The following TMPRSS15 variants were observed in gnomAD, a reference collection of about 807,000 sequenced individuals.
TMPRSS15 encodes enteropeptidase.
A neutral mutation model predicts 125.3 loss-of-function variants in TMPRSS15; 128 were observed. That is an observed-to-expected ratio of 1.02 (90% CI 0.89 to 1.18). The LOEUF (loss-of-function observed/expected upper bound fraction) is 1.18, where lower values mean the gene tolerates loss of function less well. TMPRSS15 is among the 50% of genes most tolerant of loss of function. The probability of loss-of-function intolerance (pLI) is 0.00; values close to 1 mark genes in which losing one functional copy is unlikely to be tolerated. For synonymous variants in TMPRSS15, 446 were observed against 423.2 expected (o/e 1.05, Z -0.66); for missense variants, 1,283 against 1,212.7 (o/e 1.06, Z -0.86).
chr21:18,358,475 T>A (rs2075646889), intron 8 of TMPRSS15, among the ~76,000 whole-genome samples: 1 of 151,938 alleles, frequency 6.6e-6, no homozygotes, highest in East Asian at 1.9e-4. Flanking sequence ...ATCATAATTT[T>A]AAAAAACTGC....
intron 1 of TMPRSS15, among the ~76,000 whole-genome samples, chr21:18,463,701 A>T (rs149119209): frequency 0.047 from 7,093 of 152,236 alleles, 445 homozygotes; most frequent in African/African-American, 0.14. Context: ...AATTGGAAGT[A>T]AAACACTCCT....
chr21:18,420,794 C>A (rs2076190581), intron 1 of TMPRSS15, among the ~76,000 whole-genome samples: 1 of 152,192 alleles, frequency 6.6e-6, no homozygotes, highest in Non-Finnish European at 1.5e-5. Context: ...GGTATCACTG[C>A]ACTGAGTCAC....
chr21:18,456,571 C>T (rs1226569570), intron 1 of TMPRSS15, among the ~76,000 whole-genome samples: 2 of 151,932 alleles, frequency 1.3e-5, no homozygotes, highest in Non-Finnish European at 2.9e-5. Context: ...GATACTTAAA[C>T]CACTAAATTA....
chr21:18,342,956 G>A (rs1483597247), intron 12 of TMPRSS15, among the ~76,000 whole-genome samples: 2 of 152,120 alleles, frequency 1.3e-5, no homozygotes, highest in Admixed American at 6.5e-5. Flanking sequence ...AAGACCCTCA[G>A]GAAGAGAACA....
chr21:18,374,451 G>A (rs1467523808), intron 5 of TMPRSS15, among the ~76,000 whole-genome samples: 3 of 132,440 alleles, frequency 2.3e-5, no homozygotes, highest in Non-Finnish European at 3.1e-5. Context: ...CCGCAGTCCG[G>A]CCTGGGCGAC....
At chr21:18,437,390 A>G (rs1468536951) in intron 1 of TMPRSS15, among the ~76,000 whole-genome samples, 1 of 152,190 alleles carries the variant, frequency 6.6e-6, no homozygotes, top group East Asian at 1.9e-4. Flanking sequence ...AAACCTAGGC[A>G]TTACCATTCA....
chr21:18,383,522 A>T, intron 4 of TMPRSS15, 105 bp downstream of exon 4: 1 of 1,329,120 alleles, frequency 7.5e-7, no homozygotes, highest in Admixed American at 1.9e-5. Flanking sequence ...GCAATAAGAC[A>T]TGTTCCTAAG....
At chr21:18,441,828 C>T (rs1413072582) in intron 1 of TMPRSS15, among the ~76,000 whole-genome samples, 1 of 151,572 alleles carries the variant, frequency 6.6e-6, no homozygotes, top group Non-Finnish European at 1.5e-5. Context: ...GTAGCTGGGA[C>T]TGTAGGCACA....
intron 6 of TMPRSS15, among the ~76,000 whole-genome samples, chr21:18,369,880 T>C (rs1428543719): frequency 6.7e-6 from 1 of 150,128 alleles, no homozygotes; most frequent in South Asian, 2.1e-4. Context: ...AAATTCTCTC[T>C]GGATAAAAAT....
chr21:18,340,366 G>A (rs192638287), intron 13 of TMPRSS15, among the ~76,000 whole-genome samples: 182 of 152,298 alleles, frequency 1.2e-3, no homozygotes, highest in African/African-American at 4.0e-3. Context: ...ACACCTGGTT[G>A]CCAGAGGCTC....
Position 18,343,978 on chromosome 21 carries a change from C to T in TMPRSS15, c.1254G>A (p.Leu418=), listed in dbSNP as rs780863674. Residue 418 remains leucine (L), a synonymous_variant, in exon 11 of 25, where the codon TTG becomes TTA. Transcript: ENST00000284885. The part of the protein sequence containing the change: ...GLLSLPLDPT[L]EPACLSFWYH... ...ACCAGAAACTAAGGCAAGCTGGCTC[C>T]AAAGTGGGGTCCAAAGGGAGGCTTA... is the stretch of plus-strand genomic sequence containing the variant. The T allele has an allele frequency of 1.9e-6, 3 of 1,614,074 alleles. No homozygotes were observed. In the Admixed American group the frequency reaches 5.0e-5, roughly 27 times the overall value.
At chr21:18,382,128 C>T (rs2075898294) in intron 4 of TMPRSS15, among the ~76,000 whole-genome samples, 1 of 152,066 alleles carries the variant, frequency 6.6e-6, no homozygotes. Flanking sequence ...CCACAGAGGT[C>T]AGAATGCCTA....
At position 18,279,028 on chromosome 21, in the gene TMPRSS15, T is replaced by C. The variant is rs752122556; in HGVS notation, c.2700A>G (p.Glu900=). Residue 900 remains glutamate, a synonymous_variant, in exon 23 of 25, where the codon GAA becomes GAG. Transcript: ENST00000284885. The stretch of plus-strand genomic sequence containing the variant: ...TTCTTCCTGGAGGAAAAACTTGATT[T>C]TCTTCCGGTAAACAAATAGGTTGTA... The part of the protein sequence containing the change: ...DYIQPICLPE[E]NQVFPPGRNC... The C allele has an allele frequency of 6.2e-7, 1 of 1,602,648 alleles. No individual in the cohort carries two copies. Among genetic ancestry groups the C allele is most frequent in the South Asian group, 1.1e-5 (1 of 90,282 alleles).
Position 18,344,008 on chromosome 21 carries a change from C to T in TMPRSS15, c.1224G>A (p.Gly408=), listed in dbSNP as rs976605401. ...TGPGGRQERV[G]LLSLPLDPTL... is the part of the protein sequence containing the mutation. ...TGGGGTCCAAAGGGAGGCTTAAAAG[C>T]CCCACTCGTTCTTGTCTCCCTCCTG... Residue 408 remains glycine (G), a synonymous_variant, in exon 11 of 25, where the codon GGG becomes GGA. Coordinates refer to ENST00000284885, the MANE Select transcript of TMPRSS15 (RefSeq NM_002772.3). The T allele has an allele frequency of 6.2e-7, 1 of 1,614,008 alleles. No homozygotes were observed. The highest frequency in any genetic ancestry group is 8.5e-7 in the Non-Finnish European group (1 of 1,180,000).
intron 5 of TMPRSS15, 112 bp downstream of exon 5, chr21:18,379,171 A>C: frequency 4.7e-6 from 2 of 430,032 alleles, no homozygotes; most frequent in Non-Finnish European, 8.1e-6. Context: ...TTGTCTATAA[A>C]ATAGGCACAA....
chr21:18,325,071 G>C (rs188285064), intron 16 of TMPRSS15, among the ~76,000 whole-genome samples: 1 of 150,328 alleles, frequency 6.7e-6, no homozygotes, highest in African/African-American at 2.5e-5. Context: ...TTAAATTCTC[G>C]CCACACACAC....
At chr21:18,435,812 T>G (rs2076226526) in intron 1 of TMPRSS15, among the ~76,000 whole-genome samples, 1 of 152,212 alleles carries the variant, frequency 6.6e-6, no homozygotes, top group African/African-American at 2.4e-5. Flanking sequence ...TTTCATATCC[T>G]GTTATTGGTC....
intron 3 of TMPRSS15, among the ~76,000 whole-genome samples, chr21:18,385,076 ATGATATAATATTTT>A (rs1228802535): frequency 6.6e-6 from 1 of 152,172 alleles, no homozygotes; most frequent in Non-Finnish European, 1.5e-5. Flanking sequence ...AATGAACAAG[ATGATATAATATTTT>A]TGATATAATA....
chr21:18,302,730 T>C (rs1006016213), intron 18 of TMPRSS15, among the ~76,000 whole-genome samples: 1 of 152,200 alleles, frequency 6.6e-6, no homozygotes, highest in African/African-American at 2.4e-5. Flanking sequence ...TGCAATGGTA[T>C]TACAAAGGAA....
Sources: allele counts gnomAD v4.1 joint callset (sites outside exome capture counted in the v4.1 genomes callset), GRCh38; gene constraint gnomAD v4.1.1; transcripts MANE v1.5; gene names NCBI Gene and HGNC (gene_info 2026-07-23, HGNC 2026-07-21).